The following SFXN4 variants were observed in gnomAD, a reference collection of about 807,000 sequenced individuals.
SFXN4 encodes the protein sideroflexin-4.
A neutral mutation model predicts 54.6 loss-of-function variants in SFXN4; 48 were observed. The observed-to-expected ratio is 0.88, with a 90% CI of 0.70 to 1.12. The LOEUF (loss-of-function observed/expected upper bound fraction) is 1.12, where lower values mean the gene tolerates loss of function less well. Ranked by LOEUF, SFXN4 falls within the 50% of genes most tolerant of loss-of-function variation. The pLI, the probability that SFXN4 is intolerant of heterozygous loss-of-function variation, is 0.00. For missense variants in SFXN4, 383 were observed against 409.2 expected (o/e 0.94, Z 0.55); for synonymous variants, 130 against 145.5 (o/e 0.89, Z 0.77).
In SFXN4 at chr10:119,162,348, C is replaced by G; in HGVS notation, c.244G>C (p.Asp82His). 6.2e-7 allele frequency: 1 copy of G among 1,614,098 alleles called. No homozygotes were observed. The highest frequency in any genetic ancestry group is 8.5e-7 in the Non-Finnish European group (1 of 1,179,984). The change falls in exon 3 of 14, where the codon GAC (aspartate) becomes CAC (histidine). Residue 82 changes from aspartate to histidine, a missense_variant. By Grantham distance (81) the Asp-to-His change is moderately conservative. Coordinates refer to ENST00000355697, the MANE Select transcript of SFXN4 (RefSeq NM_213649.2). Reference sequence around the variant, plus strand: ...GAGCACGTGAAACATACCCTTTGGTCCGCCGAGGCAGGGCTGGAAACATCT... The same window carrying G: ...GAGCACGTGAAACATACCCTTTGGTGCGCCGAGGCAGGGCTGGAAACATCT... ...NEDVSSPASA[D>H]QRIQEAWKRS...
chr10:119,146,461 GCA>G lies in SFXN4; in HGVS notation c.819-110_819-109del, dbSNP rs1488358204. 3.4e-4 allele frequency: 160 copies of G among 472,978 alleles called. 1 individual carries two copies. Among genetic ancestry groups the G allele is most frequent in the Admixed American group, 2.8e-3 (75 of 26,638 alleles). 29.3% of individuals were successfully genotyped at this position (472,978 alleles called of 1,614,324 possible). A position where few individuals can be genotyped will look rare whatever the true frequency, so the allele number is the denominator to read the frequency against. On this transcript the variant is annotated intron_variant, in intron 12 of 13. Transcript: ENST00000355697. ...TGTGTGTGTGTGTGTGTGTGTGTGT[GCA>G]CGTGTGTGTGTACCTGAACACCTGG...
At position 119,153,933 on chromosome 10, in the gene SFXN4, G is replaced by A. The variant is rs181437636; in HGVS notation, c.732+1129C>T. Among the ~76,000 whole-genome samples the A allele has an allele frequency of 5.3e-3, 807 of 152,110 alleles. 9 individuals carry two copies. The highest frequency in any genetic ancestry group is 0.018 in the African/African-American group (764 of 41,502). ...TGGCTCACACCTGTAATCCCCGTAC[G>A]TTGGGAGGCCGAGGCGGGCGGAACA... On this transcript the variant is annotated intron_variant, in intron 11 of 13. Coordinates refer to ENST00000355697, the MANE Select transcript of SFXN4 (RefSeq NM_213649.2).
At chr10:119,146,963 G>A (rs927329300) in intron 12 of SFXN4, among the ~76,000 whole-genome samples, 3 of 152,148 alleles carry the variant, frequency 2.0e-5, no homozygotes, top group African/African-American at 4.8e-5. Flanking sequence ...CCAGGCATGC[G>A]ACCTAACTCA....
At chr10:119,148,150 C>T (rs1201663339) in intron 11 of SFXN4, among the ~76,000 whole-genome samples, 3 of 152,150 alleles carry the variant, frequency 2.0e-5, no homozygotes, top group South Asian at 2.1e-4. Context: ...CCAGATTGGG[C>T]GACGGAGTGA....
chr10:119,161,431 A>G (rs1589648505), intron 3 of SFXN4, among the ~76,000 whole-genome samples: 1 of 128,226 alleles, frequency 7.8e-6, no homozygotes, highest in Non-Finnish European at 1.8e-5. Context: ...CAACAACAAA[A>G]AAAAACAAAA....
chr10:119,160,591 T>C (rs1564826653), intron 5 of SFXN4, among the ~76,000 whole-genome samples: 1 of 71,662 alleles, frequency 1.4e-5, no homozygotes, highest in Non-Finnish European at 3.8e-5. Flanking sequence ...TTCTTTTCTT[T>C]TTTTTTTTTT....
intron 9 of SFXN4, among the ~76,000 whole-genome samples, chr10:119,157,100 T>C (rs956335691): frequency 5.3e-5 from 8 of 152,150 alleles, no homozygotes; most frequent in African/African-American, 1.9e-4. Context: ...TATAACATAT[T>C]TATAACACAC....
intron 11 of SFXN4, among the ~76,000 whole-genome samples, chr10:119,151,429 TG>T (rs903687906): frequency 1.4e-4 from 3 of 22,186 alleles, no homozygotes; most frequent in African/African-American, 5.4e-4. Context: ...GGGGTGGGGG[TG>T]GGGGTGGGCA....
In SFXN4 at chr10:119,165,584, G is replaced by A. The variant is rs766230060; in HGVS notation, c.64C>T (p.Pro22Ser). Residue 22 changes from proline (P) to serine (S), a missense_variant, in exon 1 of 14, where the codon CCC (proline) becomes TCC (serine). Physicochemically the swap from Pro to Ser is moderately conservative, Grantham distance 74. Transcript: ENST00000355697. ...GRLLGRRDAV[P>S]AFIEPNVRFW... is the part of the protein sequence containing the mutation. Reference sequence around the variant, plus strand: ...CGCACGTTGGGCTCAATGAAGGCGGGGACGGCGTCTCTGCGTCCTAGGAGC... The same window carrying A: ...CGCACGTTGGGCTCAATGAAGGCGGAGACGGCGTCTCTGCGTCCTAGGAGC... 67 of 1,593,690 alleles carry A rather than the reference G, an allele frequency of 4.2e-5. No individual in the cohort carries two copies. Among genetic ancestry groups the A allele is most frequent in the Non-Finnish European group, 5.5e-5 (64 of 1,171,808 alleles).
chr10:119,159,842 T>A, intron 5 of SFXN4, 89 bp from the exon 6 acceptor site: 1 of 1,371,256 alleles, frequency 7.3e-7, no homozygotes, highest in Non-Finnish European at 1.0e-6. Flanking sequence ...GAACACCTCT[T>A]CCCCAGCTTC....
intron 12 of SFXN4, among the ~76,000 whole-genome samples, chr10:119,146,583 T>C (rs547079136): frequency 1.4e-4 from 22 of 152,242 alleles, no homozygotes; most frequent in African/African-American, 4.8e-4. Context: ...TGTGTTTTTT[T>C]CTTTTGAGAG....
intron 13 of SFXN4, among the ~76,000 whole-genome samples, chr10:119,145,311 A>AT (rs1223685344): frequency 0.049 from 3,322 of 68,064 alleles, 137 homozygotes; most frequent in African/African-American, 0.11. Flanking sequence ...TTTTCTTATG[A>AT]TTTTTTTTTT....
At chr10:119,146,149 T>G (rs963051846) in intron 13 of SFXN4, 87 bp downstream of exon 13, 2 of 774,228 alleles carry the variant, frequency 2.6e-6, no homozygotes, top group Middle Eastern at 2.8e-4. Context: ...TTATAAACTT[T>G]GCAGAGTTTT....
intron 1 of SFXN4, 95 bp downstream of exon 1, chr10:119,165,442 C>A: frequency 7.3e-7 from 1 of 1,371,208 alleles, no homozygotes; most frequent in Non-Finnish European, 9.4e-7. Flanking sequence ...AGGGGGCGCC[C>A]ACGTGGCCTG....
In SFXN4 at chr10:119,141,173, C is replaced by A; in HGVS notation, c.*69G>T. On this transcript the variant is annotated 3_prime_UTR_variant, in exon 14 of 14. Coordinates refer to ENST00000355697, the MANE Select transcript of SFXN4 (RefSeq NM_213649.2). Reference sequence around the variant, plus strand: ...TCCCCAGAAGACCTGTGGCAAAGTTCTCTAAACCGAACCTGGAGAGGGGAA... The same window carrying A: ...TCCCCAGAAGACCTGTGGCAAAGTTATCTAAACCGAACCTGGAGAGGGGAA... The A allele has an allele frequency of 8.2e-7, 1 of 1,218,612 alleles. No homozygotes were observed. The highest frequency in any genetic ancestry group is 1.3e-5 in the South Asian group (1 of 79,148). 75.5% of individuals were successfully genotyped at this position (1,218,612 alleles called of 1,614,324 possible). A position where few individuals can be genotyped will look rare whatever the true frequency, so the allele number is the denominator to read the frequency against.
At chr10:119,157,531 C>G (rs184349824) in intron 9 of SFXN4, 137 bp downstream of exon 9, 1 of 655,572 alleles carries the variant, frequency 1.5e-6, no homozygotes, top group Admixed American at 3.3e-5. Flanking sequence ...TGGGATAATA[C>G]AATTACAGGT....
chr10:119,150,887 G>T (rs4751699), intron 11 of SFXN4, among the ~76,000 whole-genome samples: 149,401 of 152,274 alleles, frequency 0.98, 73,355 homozygotes, highest in Middle Eastern at 1. Flanking sequence ...GTCCACCGCC[G>T]GCAGAATAGA....
At position 119,147,898 on chromosome 10, in the gene SFXN4, C is replaced by CG. The variant is rs772222075; in HGVS notation, c.733-39dup. ...AAAAGAAAACAGCTTAGGTTGGGCA[C>CG]GGTGGCTCACGCCTGTAATCCCTGC... is the stretch of plus-strand genomic sequence containing the variant. On this transcript the variant is annotated intron_variant, in intron 11 of 13. Transcript: ENST00000355697. 20 of 1,551,508 alleles carry CG rather than the reference C, an allele frequency of 1.3e-5. No individual in the cohort carries two copies. The African/African-American group carries it at 2.6e-4, about 20-fold the overall frequency.
chr10:119,150,058 C>T (rs774501730), intron 11 of SFXN4, among the ~76,000 whole-genome samples: 5 of 151,954 alleles, frequency 3.3e-5, no homozygotes, highest in East Asian at 1.9e-4. Context: ...AAATTTTAGC[C>T]GAAGAAAATA....
Sources: gnomAD v4.1 joint callset for allele counts (sites outside exome capture counted in the v4.1 genomes callset) on GRCh38, gnomAD v4.1.1 for gene constraint, MANE v1.5 for transcripts, NCBI Gene and HGNC (gene_info 2026-07-23, HGNC 2026-07-21) for gene names.